The following RIMBP2 variants were observed in gnomAD, a reference collection of about 807,000 sequenced individuals.
RIMBP2 encodes RIMS-binding protein 2.
RIMBP2 carries 48 observed loss-of-function variants against 118.6 expected under a neutral mutation model. That is an observed-to-expected ratio of 0.40 (90% CI 0.32 to 0.51). RIMBP2 has a LOEUF of 0.51. RIMBP2 is among the 20% of genes least tolerant of loss of function. The probability of loss-of-function intolerance (pLI) is 0.41; values close to 1 mark genes in which losing one functional copy is unlikely to be tolerated. For missense variants in RIMBP2, 1,551 were observed against 1,768.3 expected, an observed-to-expected ratio of 0.88 and a Z score of 2.20; for synonymous variants, 762 against 742.9, an observed-to-expected ratio of 1.03 and a Z score of -0.42.
At position 130,688,737 on chromosome 12, in the gene RIMBP2, GC is replaced by G. The variant is rs2065179559; in HGVS notation, c.-352+27484del. 6.6e-6 allele frequency among the ~76,000 whole-genome samples: 1 copy of G among 152,184 alleles called. No individual in the cohort carries two copies. Among genetic ancestry groups the G allele is most frequent in the Admixed American group, 6.5e-5 (1 of 15,288 alleles). ...AAGACCCCAAAACAGAGGCCACATG[GC>G]CCCCTTGGGGCTCATACAGAGACAC... On this transcript the variant is annotated intron_variant, in intron 1 of 22. Transcript: ENST00000690449. This position sits in a 1 kb window ranked among gnomAD's most constrained non-coding sequence, Gnocchi z 4.7.
At chr12:130,451,151 C>G in intron 8 of RIMBP2, 44 bp downstream of exon 8, 1 of 1,599,310 alleles carries the variant, frequency 6.3e-7, no homozygotes, top group Non-Finnish European at 8.5e-7. Context: ...ACCAGACACA[C>G]ACAGCACAGG....
At chr12:130,408,201 G>A (rs1199903618) in intron 19 of RIMBP2, among the ~76,000 whole-genome samples, 1 of 152,200 alleles carries the variant, frequency 6.6e-6, no homozygotes, top group Non-Finnish European at 1.5e-5. Context: ...GTGCACGGTT[G>A]TGACATTGCT....
intron 17 of RIMBP2, among the ~76,000 whole-genome samples, chr12:130,416,482 C>T (rs1195046022): frequency 6.6e-6 from 1 of 152,132 alleles, no homozygotes; most frequent in Non-Finnish European, 1.5e-5. Context: ...GAAAGGACTC[C>T]CCATTCAATA....
intron 2 of RIMBP2, among the ~76,000 whole-genome samples, chr12:130,530,933 A>T (rs2053305650): frequency 6.6e-6 from 1 of 152,216 alleles, no homozygotes; most frequent in Non-Finnish European, 1.5e-5. Context: ...ACTTGGACAA[A>T]TTGAGCAGCT....
At chr12:130,615,348 T>C (rs1189828884) in intron 2 of RIMBP2, among the ~76,000 whole-genome samples, 1 of 149,360 alleles carries the variant, frequency 6.7e-6, no homozygotes, top group Non-Finnish European at 1.5e-5. Flanking sequence ...TCTCACTCTG[T>C]CGCCCAGGCT....
chr12:130,407,394 G>A (rs999304136), intron 20 of RIMBP2, among the ~76,000 whole-genome samples: 1 of 152,216 alleles, frequency 6.6e-6, no homozygotes. Context: ...CTGACCACAT[G>A]TGATGGGCTT....
intron 1 of RIMBP2, among the ~76,000 whole-genome samples, chr12:130,654,706 G>A (rs1440802514): frequency 6.6e-6 from 1 of 152,196 alleles, no homozygotes; most frequent in African/African-American, 2.4e-5. Context: ...GAAATACTGA[G>A]GCTGGGTAAT....
At chr12:130,501,769 A>T (rs2049810790) in intron 4 of RIMBP2, among the ~76,000 whole-genome samples, 1 of 152,222 alleles carries the variant, frequency 6.6e-6, no homozygotes, top group Non-Finnish European at 1.5e-5. Context: ...ATGCACAGAC[A>T]CTTCAGTAAA....
In RIMBP2 at chr12:130,606,410, G is replaced by A. The variant is rs1231164592; in HGVS notation, c.-217+21912C>T. On this transcript the variant is annotated intron_variant, in intron 2 of 22. Coordinates refer to ENST00000690449, the MANE Select transcript of RIMBP2 (RefSeq NM_001393629.1). ...TTGCAGAGAGGCACAAGCGTGACGC[G>A]TGGGCAGGGAGTCGCGCGTCTACAC... Among the ~76,000 whole-genome samples the A allele has an allele frequency of 6.6e-5, 10 of 152,216 alleles. No individual in the cohort carries two copies. In the South Asian group the frequency reaches 1.0e-3, roughly 16 times the overall value.
intron 2 of RIMBP2, among the ~76,000 whole-genome samples, chr12:130,536,755 A>G (rs2054120869): frequency 6.6e-6 from 1 of 152,200 alleles, no homozygotes; most frequent in Non-Finnish European, 1.5e-5. Flanking sequence ...TGTGGGCTGG[A>G]CTTGGTGACT....
At chr12:130,547,448 A>C (rs2055290121) in intron 2 of RIMBP2, among the ~76,000 whole-genome samples, 1 of 152,242 alleles carries the variant, frequency 6.6e-6, no homozygotes, top group African/African-American at 2.4e-5. Context: ...ATCGTATTTT[A>C]TAATCTGTTA....
chr12:130,480,900 C>T (rs550159967), intron 4 of RIMBP2, among the ~76,000 whole-genome samples: 4 of 152,256 alleles, frequency 2.6e-5, no homozygotes, highest in Admixed American at 2.0e-4. Context: ...CGCGCCCGAC[C>T]ACCTTTTACT....
chr12:130,710,160 G>A lies in RIMBP2; in HGVS notation c.-352+6062C>T, dbSNP rs943275171. Among the ~76,000 whole-genome samples the A allele has an allele frequency of 1.3e-5, 2 of 152,072 alleles. No individual in the cohort carries two copies. The highest frequency in any genetic ancestry group is 4.8e-5 in the African/African-American group (2 of 41,408). On this transcript the variant is annotated intron_variant, in intron 1 of 22. Transcript: ENST00000690449. This position sits in a 1 kb window ranked among gnomAD's most constrained non-coding sequence, Gnocchi z 4.3. ...AGGAGCAATTTCTGCACATACCTAT[G>A]AGAATCAAAGCCACCGAGCAGCTCG...
At chr12:130,499,092 C>T (rs1292559157) in intron 4 of RIMBP2, among the ~76,000 whole-genome samples, 2 of 152,220 alleles carry the variant, frequency 1.3e-5, no homozygotes. Context: ...GCAGGCACAT[C>T]TTCACATGGC....
At position 130,684,838 on chromosome 12, in the gene RIMBP2, G is replaced by A. The variant is rs188523414; in HGVS notation, c.-352+31384C>T. On this transcript the variant is annotated intron_variant, in intron 1 of 22. Coordinates refer to ENST00000690449, the MANE Select transcript of RIMBP2 (RefSeq NM_001393629.1). Reference sequence around the variant, plus strand: ...TGGACACCTTCCTTCTCTTACTTTCGGGACTGCCCTGCTCCGTCTATGGAG... The same window carrying A: ...TGGACACCTTCCTTCTCTTACTTTCAGGACTGCCCTGCTCCGTCTATGGAG... Among the ~76,000 whole-genome samples the A allele has an allele frequency of 2.3e-3, 345 of 152,010 alleles. 2 individuals are homozygous for A. Among genetic ancestry groups the A allele is most frequent in the African/African-American group, 8.0e-3 (330 of 41,440 alleles).
intron 1 of RIMBP2, among the ~76,000 whole-genome samples, chr12:130,639,065 G>A (rs997612403): frequency 2.0e-5 from 3 of 152,166 alleles, no homozygotes; most frequent in African/African-American, 7.2e-5. Flanking sequence ...TCTTTGATCA[G>A]TTTTTCTGTA....
chr12:130,691,540 C>A (rs1484494913), intron 1 of RIMBP2, among the ~76,000 whole-genome samples: 1 of 152,090 alleles, frequency 6.6e-6, no homozygotes, highest in African/African-American at 2.4e-5. Context: ...GATGTGATGG[C>A]CCACACTGGA....
chr12:130,645,420 C>G (rs1406348026), intron 1 of RIMBP2, among the ~76,000 whole-genome samples: 2 of 152,216 alleles, frequency 1.3e-5, no homozygotes, highest in African/African-American at 4.8e-5. Flanking sequence ...ATTGGAGTTA[C>G]TCCCTCCAGG....
intron 11 of RIMBP2, among the ~76,000 whole-genome samples, chr12:130,439,243 T>C (rs1027103133): frequency 6.6e-6 from 1 of 151,894 alleles, no homozygotes; most frequent in African/African-American, 2.4e-5. Context: ...TGTATATGTA[T>C]GTATGTATAT....
Sources: allele counts gnomAD v4.1 joint callset (sites outside exome capture counted in the v4.1 genomes callset), GRCh38; gene constraint gnomAD v4.1.1; non-coding constraint Gnocchi (gnomAD v3.1); transcripts MANE v1.5; gene names NCBI Gene and HGNC (gene_info 2026-07-23, HGNC 2026-07-21).